Variants in SIPA1L2 observed in about 807,000 individuals in gnomAD.
SIPA1L2 encodes the protein signal-induced proliferation-associated 1-like protein 2.
A neutral mutation model predicts 163.9 loss-of-function variants in SIPA1L2; 56 were observed. That is an observed-to-expected ratio of 0.34 (90% CI 0.28 to 0.43). The LOEUF (loss-of-function observed/expected upper bound fraction) is 0.43. Among genes scored for constraint, SIPA1L2 ranks in the 20% least tolerant of loss-of-function variants. The probability of loss-of-function intolerance (pLI) is 1.00; values close to 1 mark genes in which losing one functional copy is unlikely to be tolerated. For missense variants in SIPA1L2, 1,974 were observed against 2,193.5 expected, an observed-to-expected ratio of 0.90 and a Z score of 2.00; for synonymous variants, 877 against 865.7, an observed-to-expected ratio of 1.01 and a Z score of -0.23.
At position 232,594,334 on chromosome 1, in the gene SIPA1L2, C is replaced by A. The variant is rs941231146; in HGVS notation, c.-318-20112G>T. 1.7e-4 allele frequency among the ~76,000 whole-genome samples: 26 copies of A among 152,284 alleles called. No individual in the cohort carries two copies. In the Middle Eastern group the frequency reaches 0.024, roughly 139 times the overall value. ...TGGGGAAAAAGCAAGGAATAAAAAT[C>A]AACAGCTGGTGCTAAGGAGAGAGTA... On this transcript the variant is annotated intron_variant, in intron 1 of 22. Transcript: ENST00000674635.
chr1:232,437,992 C>T (rs1225143700), intron 15 of SIPA1L2, among the ~76,000 whole-genome samples: 6 of 152,142 alleles, frequency 3.9e-5, no homozygotes, highest in Non-Finnish European at 7.4e-5. Flanking sequence ...CCTTGAAGTG[C>T]TAGACTTGTT....
chr1:232,553,439 C>A (rs183410341), intron 2 of SIPA1L2, among the ~76,000 whole-genome samples: 1 of 152,252 alleles, frequency 6.6e-6, no homozygotes, highest in Admixed American at 6.5e-5. Context: ...AATGCCTGTT[C>A]CCACTTAGGG....
At chr1:232,481,953 G>C (rs1340143632) in intron 6 of SIPA1L2, among the ~76,000 whole-genome samples, 1 of 152,138 alleles carries the variant, frequency 6.6e-6, no homozygotes, top group Admixed American at 6.6e-5. Flanking sequence ...ATTTTTGTCT[G>C]TTCCTCGAAA....
chr1:232,454,752 G>A (rs1663796321), intron 10 of SIPA1L2, among the ~76,000 whole-genome samples: 2 of 152,132 alleles, frequency 1.3e-5, no homozygotes, highest in Non-Finnish European at 2.9e-5. Context: ...GAAAAAACAC[G>A]TGGGCACTGA....
chr1:232,400,466 G>A (rs1056468489), intron 22 of SIPA1L2, among the ~76,000 whole-genome samples: 1 of 152,082 alleles, frequency 6.6e-6, no homozygotes, highest in African/African-American at 2.4e-5. Flanking sequence ...CCCTCCCGAG[G>A]AGACCGTCCC....
At chr1:232,475,942 G>C (rs1454474541) in intron 7 of SIPA1L2, among the ~76,000 whole-genome samples, 1 of 152,162 alleles carries the variant, frequency 6.6e-6, no homozygotes, top group Non-Finnish European at 1.5e-5. Context: ...TATAGTATAA[G>C]TATATGCTCC....
At chr1:232,520,174 G>T (rs1667398602) in intron 2 of SIPA1L2, among the ~76,000 whole-genome samples, 2 of 152,196 alleles carry the variant, frequency 1.3e-5, no homozygotes, top group South Asian at 2.1e-4. Flanking sequence ...TTTTTACTGT[G>T]AGGGGCACTG....
intron 2 of SIPA1L2, among the ~76,000 whole-genome samples, chr1:232,534,408 A>C (rs1657177992): frequency 6.6e-6 from 1 of 152,240 alleles, no homozygotes; most frequent in Non-Finnish European, 1.5e-5. Context: ...TCAAAGGCCT[A>C]AGCATAATTA....
At chr1:232,604,412 A>ATGTTC (rs1661778764) in intron 1 of SIPA1L2, among the ~76,000 whole-genome samples, 1 of 152,250 alleles carries the variant, frequency 6.6e-6, no homozygotes, top group Non-Finnish European at 1.5e-5. Flanking sequence ...AATAACGCAG[A>ATGTTC]AAAGTAACTA....
intron 3 of SIPA1L2, among the ~76,000 whole-genome samples, chr1:232,495,454 A>T (rs1343132141): frequency 1.3e-5 from 2 of 151,608 alleles, no homozygotes; most frequent in Non-Finnish European, 2.9e-5. Context: ...AGTCCCAGCT[A>T]CTCGGGAGGC....
At chr1:232,434,988 A>G (rs895750343) in intron 15 of SIPA1L2, among the ~76,000 whole-genome samples, 2 of 152,242 alleles carry the variant, frequency 1.3e-5, no homozygotes, top group South Asian at 4.1e-4. Context: ...TAGTTTCCCC[A>G]TTGTCCCAAT....
chr1:232,534,553 C>CTTCATTAACA (rs1453051677), intron 2 of SIPA1L2, among the ~76,000 whole-genome samples: 1 of 152,180 alleles, frequency 6.6e-6, no homozygotes, highest in Non-Finnish European at 1.5e-5. Context: ...TTCATCAACA[C>CTTCATTAACA]TGAAAACTTT....
chr1:232,433,922 T>C (rs567907025), intron 15 of SIPA1L2, among the ~76,000 whole-genome samples: 34 of 152,266 alleles, frequency 2.2e-4, no homozygotes, highest in African/African-American at 7.9e-4. Context: ...TTCTCATCTG[T>C]AAATTGAGGA....
At chr1:232,462,458 G>T in intron 9 of SIPA1L2, 1 of 1,165,708 alleles carries the variant, frequency 8.6e-7, no homozygotes, top group Non-Finnish European at 1.2e-6. Context: ...TCACCACTGT[G>T]TCTGATGTTT....
At chr1:232,615,613 T>A (rs1414298986) in intron 1 of SIPA1L2, among the ~76,000 whole-genome samples, 1 of 152,202 alleles carries the variant, frequency 6.6e-6, no homozygotes, top group Non-Finnish European at 1.5e-5. Context: ...AGCCTTCTAT[T>A]ATGAGTCTGA....
At chr1:232,424,333 A>C (rs1661761274) in intron 18 of SIPA1L2, among the ~76,000 whole-genome samples, 1 of 93,340 alleles carries the variant, frequency 1.1e-5, no homozygotes, top group Non-Finnish European at 2.4e-5. Flanking sequence ...AAAAAAAAAA[A>C]AAAAAAAAAA....
intron 18 of SIPA1L2, 160 bp from the exon 19 acceptor site, chr1:232,415,785 T>G: frequency 1.3e-6 from 1 of 762,196 alleles, no homozygotes; most frequent in Non-Finnish European, 2.1e-6. Flanking sequence ...CGGGCACCAC[T>G]GTCCCTCCCA....
At chr1:232,603,880 A>G (rs544666717) in intron 1 of SIPA1L2, among the ~76,000 whole-genome samples, 1 of 152,200 alleles carries the variant, frequency 6.6e-6, no homozygotes, top group African/African-American at 2.4e-5. Flanking sequence ...CAAGTTACCT[A>G]TTTTTGACGA....
chr1:232,417,621 CTG>C (rs1661335737), intron 18 of SIPA1L2, among the ~76,000 whole-genome samples: 1 of 152,020 alleles, frequency 6.6e-6, no homozygotes, highest in Admixed American at 6.6e-5. Flanking sequence ...CTGTCGGGTC[CTG>C]TCTCAGTTGC....
Sources: allele counts gnomAD v4.1 joint callset (sites outside exome capture counted in the v4.1 genomes callset), GRCh38; gene constraint gnomAD v4.1.1; transcripts MANE v1.5; gene names NCBI Gene and HGNC (gene_info 2026-07-23, HGNC 2026-07-21).